The following PACRG variants were observed in gnomAD, a reference collection of about 807,000 sequenced individuals.
PACRG encodes the protein parkin coregulated gene protein.
In PACRG, 29 loss-of-function variants were observed where a neutral mutation model predicts 29.7. The ratio of observed to expected loss-of-function variants is 0.98; its 90% CI spans 0.73 to 1.33. The LOEUF (loss-of-function observed/expected upper bound fraction) is 1.33. Among genes scored for constraint, PACRG ranks in the 40% most tolerant of loss-of-function variants. The pLI is 0.00. For missense variants in PACRG, 279 were observed against 316.2 expected (o/e 0.88, Z 0.89); for synonymous variants, 116 against 118.7 (o/e 0.98, Z 0.15).
At chr6:162,889,832 G>A (rs1392230367) in intron 2 of PACRG, among the ~76,000 whole-genome samples, 2 of 152,200 alleles carry the variant, frequency 1.3e-5, no homozygotes, top group Non-Finnish European at 2.9e-5. Flanking sequence ...GATATTGGAA[G>A]CTACCTTATT....
At chr6:163,106,561 G>C (rs1484246851) in intron 4 of PACRG, among the ~76,000 whole-genome samples, 1 of 152,048 alleles carries the variant, frequency 6.6e-6, no homozygotes, top group Non-Finnish European at 1.5e-5. Flanking sequence ...TTTACTTTTG[G>C]AGTTTATAAC....
At chr6:162,803,579 T>G (rs2128343366) in intron 1 of PACRG, among the ~76,000 whole-genome samples, 1 of 152,168 alleles carries the variant, frequency 6.6e-6, no homozygotes, top group East Asian at 1.9e-4. Flanking sequence ...TTTTAAATGC[T>G]AAATAAATAA....
intron 4 of PACRG, among the ~76,000 whole-genome samples, chr6:163,287,551 T>C (rs1187885954): frequency 6.6e-6 from 1 of 152,222 alleles, no homozygotes; most frequent in African/African-American, 2.4e-5. Context: ...TTCGAGGCTC[T>C]GCATTTCTTA....
chr6:163,018,144 G>A (rs1806277825), intron 2 of PACRG, among the ~76,000 whole-genome samples: 1 of 152,044 alleles, frequency 6.6e-6, no homozygotes, highest in East Asian at 1.9e-4. Flanking sequence ...CATCTGATTT[G>A]GAGTAATATT....
chr6:163,185,427 T>C (rs1021286349), intron 4 of PACRG, among the ~76,000 whole-genome samples: 1 of 152,228 alleles, frequency 6.6e-6, no homozygotes, highest in Non-Finnish European at 1.5e-5. Flanking sequence ...AGGGTTGTCA[T>C]AGGAAATCTA....
At chr6:162,856,278 T>C (rs984802172) in intron 2 of PACRG, among the ~76,000 whole-genome samples, 8 of 152,154 alleles carry the variant, frequency 5.3e-5, no homozygotes, top group African/African-American at 1.4e-4. Context: ...AGTCTGGTCT[T>C]GAACTCCTGG....
chr6:163,182,570 A>G (rs899857146), intron 4 of PACRG: 3 of 152,228 alleles, frequency 2.0e-5, no homozygotes, highest in African/African-American at 4.8e-5. Context: ...TCTCTTTTAC[A>G]TTCAGCAGGT....
chr6:162,818,759 G>A (rs75229931), intron 2 of PACRG, among the ~76,000 whole-genome samples: 10,262 of 152,096 alleles, frequency 0.067, 460 homozygotes, highest in East Asian at 0.28. Context: ...AACGTGCTAC[G>A]TGACAGAATA....
intron 4 of PACRG, among the ~76,000 whole-genome samples, chr6:163,138,225 AC>A: frequency 6.6e-6 from 1 of 152,330 alleles, no homozygotes; most frequent in Admixed American, 6.5e-5. Flanking sequence ...TTTGTTTAAC[AC>A]CTCAGCTTGG....
chr6:163,079,189 T>G (rs1812838041), intron 3 of PACRG, among the ~76,000 whole-genome samples: 1 of 152,168 alleles, frequency 6.6e-6, no homozygotes, highest in East Asian at 1.9e-4. Flanking sequence ...ATATCCTTGG[T>G]TTTCCTTCAT....
intron 4 of PACRG, among the ~76,000 whole-genome samples, chr6:163,251,274 AT>A (rs1490226395): frequency 6.6e-6 from 1 of 152,072 alleles, no homozygotes; most frequent in Non-Finnish European, 1.5e-5. Flanking sequence ...AATATTAATA[AT>A]AAAATTTAAA....
intron 4 of PACRG, among the ~76,000 whole-genome samples, chr6:163,152,675 A>G (rs994813621): frequency 1.6e-4 from 24 of 152,222 alleles, no homozygotes; most frequent in Admixed American, 1.5e-3. Context: ...AGAAATATGT[A>G]CAGATGAAGG....
At chr6:162,833,589 A>AT (rs1202430753) in intron 2 of PACRG, among the ~76,000 whole-genome samples, 2 of 151,970 alleles carry the variant, frequency 1.3e-5, no homozygotes, top group Non-Finnish European at 2.9e-5. Flanking sequence ...TGTGGTTTTC[A>AT]TTTGCATTTC....
chr6:162,973,263 C>T (rs1023418297), intron 2 of PACRG, among the ~76,000 whole-genome samples: 3 of 152,210 alleles, frequency 2.0e-5, no homozygotes, highest in African/African-American at 7.2e-5. Context: ...TGGCCTCAGT[C>T]CCTTGTCTGT....
chr6:162,947,379 T>TATATATAATCATATATA (rs1354183085), intron 2 of PACRG, among the ~76,000 whole-genome samples: 2 of 116,614 alleles, frequency 1.7e-5, no homozygotes, highest in South Asian at 2.4e-4. Flanking sequence ...TATATAATCA[T>TATATATAATCATATATA]ATATATAATC....
intron 2 of PACRG, among the ~76,000 whole-genome samples, chr6:162,888,653 G>A (rs1177790624): frequency 6.6e-6 from 1 of 152,140 alleles, no homozygotes; most frequent in Non-Finnish European, 1.5e-5. Context: ...GGCGATCAGA[G>A]CAGAGTCCCT....
At chr6:162,906,710 G>T (rs906241322) in intron 2 of PACRG, among the ~76,000 whole-genome samples, 18 of 152,158 alleles carry the variant, frequency 1.2e-4, no homozygotes, top group Admixed American at 4.6e-4. Flanking sequence ...AAGTATTGAA[G>T]ATCTTTATGC....
intron 4 of PACRG, among the ~76,000 whole-genome samples, chr6:163,204,424 T>A (rs1418749007): frequency 6.6e-6 from 1 of 152,238 alleles, no homozygotes; most frequent in Non-Finnish European, 1.5e-5. Flanking sequence ...TATTTTTCTG[T>A]GTGTTTTTAT....
At chr6:162,918,347 T>C (rs985969449) in intron 2 of PACRG, among the ~76,000 whole-genome samples, 2 of 152,218 alleles carry the variant, frequency 1.3e-5, no homozygotes, top group Non-Finnish European at 2.9e-5. Flanking sequence ...TAATAATGAA[T>C]ATCAAACCAA....
Sources: allele counts gnomAD v4.1 joint callset (sites outside exome capture counted in the v4.1 genomes callset), GRCh38; gene constraint gnomAD v4.1.1; transcripts MANE v1.5; gene names NCBI Gene and HGNC (gene_info 2026-07-23, HGNC 2026-07-21).